Variants in PLEKHG1 observed in about 807,000 individuals in gnomAD.
The protein encoded by PLEKHG1 is pleckstrin homology domain-containing family G member 1.
A neutral mutation model predicts 100.8 loss-of-function variants in PLEKHG1; 44 were observed. The ratio of observed to expected loss-of-function variants is 0.44; its 90% confidence interval spans 0.34 to 0.56. The LOEUF (loss-of-function observed/expected upper bound fraction) is 0.56. PLEKHG1 is among the 20% of genes least tolerant of loss of function. The probability of loss-of-function intolerance (pLI) is 0.01; values close to 1 mark genes in which losing one functional copy is unlikely to be tolerated. For missense variants in PLEKHG1, 1,545 were observed against 1,720.9 expected, an observed-to-expected ratio of 0.90 and a Z score of 1.81; for synonymous variants, 640 against 662.5, an observed-to-expected ratio of 0.97 and a Z score of 0.52.
chr6:150,604,152 A>G (rs1776488798), intron 1 of PLEKHG1, among the ~76,000 whole-genome samples: 1 of 152,268 alleles, frequency 6.6e-6, no homozygotes, highest in Non-Finnish European at 1.5e-5. Context: ...TAAGATAAGC[A>G]TGAGTCTAAT....
At chr6:150,779,122 C>T (rs1785153344) in intron 3 of PLEKHG1, among the ~76,000 whole-genome samples, 1 of 152,070 alleles carries the variant, frequency 6.6e-6, no homozygotes, top group Non-Finnish European at 1.5e-5. Flanking sequence ...ATGGTTTCCT[C>T]ACCTTAAAAT....
intron 3 of PLEKHG1, among the ~76,000 whole-genome samples, chr6:150,694,444 A>G (rs1378445926): frequency 6.6e-6 from 1 of 152,018 alleles, no homozygotes; most frequent in African/African-American, 2.4e-5. Flanking sequence ...TCACAGCTAT[A>G]ATCCCAGCAC....
intron 2 of PLEKHG1, among the ~76,000 whole-genome samples, chr6:150,754,211 GAGAAA>G (rs993048769): frequency 6.6e-6 from 1 of 152,144 alleles, no homozygotes; most frequent in African/African-American, 2.4e-5. Context: ...TACTGGCAGT[GAGAAA>G]AGAATAGACA....
At chr6:150,667,057 C>T (rs1256446326) in intron 3 of PLEKHG1, among the ~76,000 whole-genome samples, 1 of 152,016 alleles carries the variant, frequency 6.6e-6, no homozygotes, top group African/African-American at 2.4e-5. Context: ...TGCGCCCAGC[C>T]TGATAAGATT....
At chr6:150,634,350 T>C (rs950662357) in intron 1 of PLEKHG1, among the ~76,000 whole-genome samples, 40 of 151,360 alleles carry the variant, frequency 2.6e-4, no homozygotes, top group African/African-American at 9.7e-4. Flanking sequence ...TAGTAAAATA[T>C]GTGGCCTAGG....
At chr6:150,797,422 G>A (rs1303416216) in intron 5 of PLEKHG1, among the ~76,000 whole-genome samples, 1 of 152,140 alleles carries the variant, frequency 6.6e-6, no homozygotes, top group Non-Finnish European at 1.5e-5. Context: ...TAGTCCTAGA[G>A]CTACTCAAGA....
chr6:150,607,614 G>T (rs1368396047), intron 1 of PLEKHG1, among the ~76,000 whole-genome samples: 1 of 152,190 alleles, frequency 6.6e-6, no homozygotes, highest in Admixed American at 6.5e-5. Flanking sequence ...CCGTGTGAAG[G>T]TCAGAGTCAA....
chr6:150,705,577 TAAGCATGTTACTA>T (rs751270626), intron 3 of PLEKHG1, among the ~76,000 whole-genome samples: 18 of 152,254 alleles, frequency 1.2e-4, no homozygotes, highest in Non-Finnish European at 2.2e-4. Context: ...CCTTGCAAAC[TAAGCATGTTACTA>T]GACTTGCTCA....
chr6:150,630,704 G>A (rs1777711315), intron 1 of PLEKHG1, among the ~76,000 whole-genome samples: 1 of 152,090 alleles, frequency 6.6e-6, no homozygotes, highest in Non-Finnish European at 1.5e-5. Context: ...GGCCGGTGTG[G>A]AAATACACAC....
chr6:150,617,084 T>C (rs990458364), intron 1 of PLEKHG1, among the ~76,000 whole-genome samples: 4 of 152,262 alleles, frequency 2.6e-5, no homozygotes, highest in Admixed American at 2.6e-4. Flanking sequence ...ATTTAAATTC[T>C]GTGAATTTTC....
intron 3 of PLEKHG1, among the ~76,000 whole-genome samples, chr6:150,656,175 A>T (rs1219918083): frequency 6.6e-6 from 1 of 152,194 alleles, no homozygotes; most frequent in Non-Finnish European, 1.5e-5. Context: ...TAGGGACTAG[A>T]CATTTTGTGG....
chr6:150,776,028 C>G (rs1191449638), intron 3 of PLEKHG1, among the ~76,000 whole-genome samples: 2 of 151,932 alleles, frequency 1.3e-5, no homozygotes, highest in East Asian at 1.9e-4. Flanking sequence ...GCCGCATCCT[C>G]GAATCTCTCT....
At chr6:150,801,641 T>C (rs544033932) in intron 6 of PLEKHG1, among the ~76,000 whole-genome samples, 2 of 152,052 alleles carry the variant, frequency 1.3e-5, no homozygotes, top group African/African-American at 4.8e-5. Flanking sequence ...AGTTTCACCA[T>C]GTTGCCCAGC....
chr6:150,654,781 G>T (rs1412075034), intron 3 of PLEKHG1, among the ~76,000 whole-genome samples: 1 of 152,326 alleles, frequency 6.6e-6, no homozygotes, highest in South Asian at 2.1e-4. Context: ...AGAATGATTG[G>T]TGGCTATAGC....
intron 13 of PLEKHG1, among the ~76,000 whole-genome samples, 187 bp from the exon 15 acceptor site, chr6:150,823,467 G>A (rs551786215): frequency 2.0e-5 from 3 of 152,294 alleles, no homozygotes; most frequent in Non-Finnish European, 4.4e-5. Flanking sequence ...GTTGTTTGAT[G>A]TAGTGTGGGG....
rs115049116 is a variant in PLEKHG1 at position 150,614,853 on chromosome 6, A to G, written c.-204+14836A>G. Among the ~76,000 whole-genome samples, 597 of 152,272 alleles carry G rather than the reference A, an allele frequency of 3.9e-3. 3 individuals carry two copies. The highest frequency in any genetic ancestry group is 0.013 in the African/African-American group (553 of 41,532). On this transcript the variant is annotated intron_variant, in intron 1 of 3. Coordinates refer to the PLEKHG1 transcript ENST00000367326. ...GATAGTTTTTACTGCTATTGAGGAG[A>G]CTTAAAGAAACACTTATATATTCTC...
chr6:150,808,363 T>A (rs75603751), intron 7 of PLEKHG1, among the ~76,000 whole-genome samples: 1 of 152,108 alleles, frequency 6.6e-6, no homozygotes, highest in Non-Finnish European at 1.5e-5. Context: ...GAATTACTTA[T>A]GTGTGGTATG....
intron 2 of PLEKHG1, among the ~76,000 whole-genome samples, chr6:150,758,543 C>G (rs1043617761): frequency 4.6e-5 from 7 of 152,154 alleles, no homozygotes; most frequent in African/African-American, 1.7e-4. Flanking sequence ...CCATGTTGGT[C>G]AGGCTGGTCT....
chr6:150,841,219 A>G (rs1777519446), exon 16 of PLEKHG1: 2 of 397,230 alleles, frequency 5.0e-6, no homozygotes, highest in Admixed American at 4.1e-5. Context: ...TAAGAAATGC[A>G]ATAATCCTTT....
Sources: allele counts gnomAD v4.1 joint callset (sites outside exome capture counted in the v4.1 genomes callset), GRCh38; gene constraint gnomAD v4.1.1; transcripts MANE v1.5; gene names NCBI Gene and HGNC (gene_info 2026-07-23, HGNC 2026-07-21).